Variants in EBF1 observed in about 807,000 individuals in gnomAD.
The protein encoded by EBF1 is transcription factor COE1.
EBF1 carries 10 observed loss-of-function variants against 68.4 expected under a neutral mutation model. The ratio of observed to expected loss-of-function variants is 0.15; its 90% CI spans 0.09 to 0.25. The LOEUF (loss-of-function observed/expected upper bound fraction) is 0.25, where lower values mean the gene tolerates loss of function less well. EBF1 is among the 10% of genes least tolerant of loss of function. The pLI is 1.00. For missense variants in EBF1, 509 were observed against 794.4 expected, an observed-to-expected ratio of 0.64 and a Z score of 4.32; for synonymous variants, 298 against 299.8, an observed-to-expected ratio of 0.99 and a Z score of 0.06.
chr5:158,864,364 C>T (rs1324099711), intron 6 of EBF1, among the ~76,000 whole-genome samples: 2 of 151,900 alleles, frequency 1.3e-5, no homozygotes, highest in Non-Finnish European at 2.9e-5. Flanking sequence ...ACCTTTCTGC[C>T]AAGCCAAAGG....
intron 6 of EBF1, among the ~76,000 whole-genome samples, chr5:158,974,986 A>G (rs955702808): frequency 3.3e-5 from 5 of 152,166 alleles, no homozygotes; most frequent in African/African-American, 9.7e-5. Flanking sequence ...AATGCCATCC[A>G]GAGATGTTAG....
rs187852229 is a variant in EBF1, at chr5:159,018,924, A to C, written c.554+54472T>G. 5 of 152,342 alleles carry C rather than the reference A, an allele frequency of 3.3e-5. No individual in the cohort carries two copies. In the East Asian group the frequency reaches 9.6e-4, roughly 29 times the overall value. The allele number at this position is 152,342 out of a possible 1,614,324, so 9.4% of individuals were successfully genotyped here. A position where few individuals can be genotyped will look rare whatever the true frequency, so the allele number is the denominator to read the frequency against. On this transcript the variant is annotated intron_variant, in intron 6 of 15. Transcript: ENST00000313708. ...CTGTCTATAAACTGAAAATATGTCTATAATTGCCATCTACTGAGTCTGAGC... is the reference window on the plus strand; with the variant it reads ...CTGTCTATAAACTGAAAATATGTCTCTAATTGCCATCTACTGAGTCTGAGC...
chr5:158,982,746 G>A (rs188647926), intron 6 of EBF1, among the ~76,000 whole-genome samples: 10 of 151,734 alleles, frequency 6.6e-5, no homozygotes, highest in Middle Eastern at 3.4e-3. Flanking sequence ...CCTTGATTCC[G>A]AGAATATAAT....
At chr5:159,075,824 C>T (rs1387949524) in intron 5 of EBF1, among the ~76,000 whole-genome samples, 2 of 152,204 alleles carry the variant, frequency 1.3e-5, no homozygotes, top group African/African-American at 2.4e-5. Context: ...CAAGCTCCTA[C>T]CGCACTGGCC....
At chr5:159,062,744 T>C (rs980669985) in intron 6 of EBF1, among the ~76,000 whole-genome samples, 11 of 152,196 alleles carry the variant, frequency 7.2e-5, no homozygotes, top group Non-Finnish European at 1.5e-4. Context: ...GGATGCCACA[T>C]ATATATGTTT....
chr5:159,044,977 C>A (rs1308875930), intron 6 of EBF1, among the ~76,000 whole-genome samples: 2 of 152,116 alleles, frequency 1.3e-5, no homozygotes, highest in African/African-American at 4.8e-5. Flanking sequence ...AAATATTAAA[C>A]AACCTTAAGA....
At chr5:158,702,855 G>T (rs912643617) in intron 15 of EBF1, among the ~76,000 whole-genome samples, 2 of 150,104 alleles carry the variant, frequency 1.3e-5, no homozygotes, top group African/African-American at 4.9e-5. Flanking sequence ...TGGAAAAAAT[G>T]ACGATTCCAT....
intron 6 of EBF1, among the ~76,000 whole-genome samples, chr5:158,957,876 A>G (rs758228722): frequency 6.6e-6 from 1 of 152,190 alleles, no homozygotes; most frequent in Non-Finnish European, 1.5e-5. Flanking sequence ...GAGACCCTCA[A>G]CTGAAGTGGT....
intron 6 of EBF1, among the ~76,000 whole-genome samples, chr5:159,061,433 G>GAA (rs769363443): frequency 2.9e-5 from 4 of 140,068 alleles, no homozygotes; most frequent in African/African-American, 7.8e-5. Flanking sequence ...GAACTTCCAA[G>GAA]AAAAAAAAAA....
chr5:158,955,724 C>T (rs1207842265), intron 6 of EBF1, among the ~76,000 whole-genome samples: 3 of 152,332 alleles, frequency 2.0e-5, no homozygotes, highest in South Asian at 2.1e-4. Flanking sequence ...GATCTTTAAT[C>T]GACTGATGTT....
chr5:158,900,964 G>C (rs780772197), intron 6 of EBF1, among the ~76,000 whole-genome samples: 1 of 149,626 alleles, frequency 6.7e-6, no homozygotes, highest in African/African-American at 2.4e-5. Context: ...AAAAACCTTA[G>C]AGATTATCCA....
At chr5:158,956,590 C>T (rs1300753330) in intron 6 of EBF1, among the ~76,000 whole-genome samples, 1 of 151,934 alleles carries the variant, frequency 6.6e-6, no homozygotes, top group Admixed American at 6.6e-5. Flanking sequence ...TATCTTCAAC[C>T]ATCCAAACAA....
rs1472473483 is a variant in EBF1 at position 158,697,519 on chromosome 5, GGAA to G, written c.*1589_*1591del. The stretch of plus-strand genomic sequence containing the variant: ...AAATAAATTGGGGGTGGAAGGAAGA[GGAA>G]GAAGGGAAAAGCAATGTACAAATTC... On this transcript the variant is annotated 3_prime_UTR_variant, in exon 16 of 16. Coordinates refer to ENST00000313708, the MANE Select transcript of EBF1 (RefSeq NM_024007.5). 1 of 209,430 alleles carries G rather than the reference GGAA, an allele frequency of 4.8e-6. No homozygotes were observed. Among genetic ancestry groups the G allele is most frequent in the Non-Finnish European group, 9.7e-6 (1 of 102,998 alleles). The allele number at this position is 209,430 out of a possible 1,614,324, so 13.0% of individuals were successfully genotyped here. A position where few individuals can be genotyped will look rare whatever the true frequency, so the allele number is the denominator to read the frequency against.
At chr5:159,097,975 C>T (rs1782954957) in intron 1 of EBF1, among the ~76,000 whole-genome samples, 3 of 152,240 alleles carry the variant, frequency 2.0e-5, no homozygotes, top group Non-Finnish European at 1.5e-5. Flanking sequence ...GCCCCGCGCA[C>T]ACACTTTCAC....
intron 15 of EBF1, among the ~76,000 whole-genome samples, chr5:158,699,464 G>A (rs1313958333): frequency 6.6e-6 from 1 of 152,110 alleles, no homozygotes; most frequent in Admixed American, 6.5e-5. Flanking sequence ...TTGCAGCTTC[G>A]AACCTTGCAA....
chr5:159,082,433 A>G (rs1435937263), intron 5 of EBF1, among the ~76,000 whole-genome samples: 2 of 152,320 alleles, frequency 1.3e-5, no homozygotes, highest in Admixed American at 1.3e-4. Flanking sequence ...CATATGGCTA[A>G]TGGTGGTGCA....
intron 6 of EBF1, among the ~76,000 whole-genome samples, chr5:159,017,376 C>G (rs2127700996): frequency 6.6e-6 from 1 of 152,330 alleles, no homozygotes; most frequent in South Asian, 2.1e-4. Flanking sequence ...AAAATCATAT[C>G]TGATAACCCT....
At chr5:159,076,227 G>C (rs1390088518) in intron 5 of EBF1, among the ~76,000 whole-genome samples, 1 of 152,134 alleles carries the variant, frequency 6.6e-6, no homozygotes, top group Non-Finnish European at 1.5e-5. Context: ...GAATAGAAAA[G>C]CTCAAATATT....
In EBF1 at chr5:158,881,049, C is replaced by T. The variant is rs558704796; in HGVS notation, c.555-40939G>A. Among the ~76,000 whole-genome samples the T allele has an allele frequency of 5.9e-5, 9 of 152,228 alleles. 1 individual carries two copies. In the South Asian group the frequency reaches 1.9e-3, roughly 32 times the overall value. On this transcript the variant is annotated intron_variant, in intron 6 of 15. Coordinates refer to ENST00000313708, the MANE Select transcript of EBF1 (RefSeq NM_024007.5). ...AAAACACAGTAAAGAGAGGAAGGTT[C>T]AGAACAGTCACAGACTGGGAATAAA...
Sources: gnomAD v4.1 joint callset for allele counts (sites outside exome capture counted in the v4.1 genomes callset) on GRCh38, gnomAD v4.1.1 for gene constraint, MANE v1.5 for transcripts, NCBI Gene and HGNC (gene_info 2026-07-23, HGNC 2026-07-21) for gene names.